FBXO31: variants seen among roughly 807,000 people sequenced by gnomAD.
The protein encoded by FBXO31 is F-box only protein 31.
FBXO31 carries 24 observed loss-of-function variants against 54.4 expected under a neutral mutation model. That is an observed-to-expected ratio of 0.44 (90% CI 0.32 to 0.62). The LOEUF is 0.62. Among genes scored for constraint, FBXO31 ranks in the 20% least tolerant of loss-of-function variants. The pLI is 0.05. For synonymous variants in FBXO31, 388 were observed against 335.6 expected (o/e 1.16, Z -1.71); for missense variants, 665 against 787.1 (o/e 0.84, Z 1.86).
At chr16:87,339,212 G>A (rs970726694) in intron 5 of FBXO31, among the ~76,000 whole-genome samples, 3 of 152,182 alleles carry the variant, frequency 2.0e-5, no homozygotes, top group African/African-American at 7.2e-5. Context: ...CCGAATTCCT[G>A]TCCCTGATCT....
intron 1 of FBXO31, chr16:87,362,408 G>A (rs1906175352): frequency 6.6e-6 from 1 of 151,810 alleles, no homozygotes; most frequent in African/African-American, 2.4e-5. Context: ...ATTTAGAAAT[G>A]GAGTCTCATG....
upstream of FBXO31, among the ~76,000 whole-genome samples, chr16:87,390,313 A>G (rs1023021890): frequency 1.3e-5 from 2 of 152,222 alleles, no homozygotes; most frequent in African/African-American, 4.8e-5. Context: ...ACAGTGGTGT[A>G]ATAAAGAACT....
At chr16:87,374,260 G>A (rs929248368) in intron 1 of FBXO31, among the ~76,000 whole-genome samples, 6 of 150,874 alleles carry the variant, frequency 4.0e-5, no homozygotes, top group African/African-American at 1.5e-4. Flanking sequence ...AAAAAAAAAA[G>A]AGAGGAAAAT....
chr16:87,388,235 G>T (rs931621879), upstream of FBXO31, among the ~76,000 whole-genome samples: 1 of 152,318 alleles, frequency 6.6e-6, no homozygotes, highest in Admixed American at 6.5e-5. Context: ...GACTTCCCTG[G>T]GGAGGAAGAC....
intron 2 of FBXO31, among the ~76,000 whole-genome samples, chr16:87,359,235 C>T (rs1384209842): frequency 2.0e-5 from 3 of 152,210 alleles, no homozygotes; most frequent in Admixed American, 6.5e-5. Flanking sequence ...GAAAAGAAAT[C>T]TCCCAATGCC....
chr16:87,344,195 A>T (rs963870577), intron 3 of FBXO31, among the ~76,000 whole-genome samples: 2 of 152,378 alleles, frequency 1.3e-5, no homozygotes, highest in African/African-American at 4.8e-5. Flanking sequence ...TGTGGCAGTG[A>T]CACGGAGATG....
In FBXO31 at chr16:87,383,679, G is replaced by A. The variant is rs936183575; in HGVS notation, c.66C>T (p.Arg22=). 4 of 1,283,806 alleles carry A rather than the reference G, an allele frequency of 3.1e-6. No homozygotes were observed. In the East Asian group the frequency reaches 9.8e-5, roughly 32 times the overall value. The allele number at this position is 1,283,806 out of a possible 1,614,324, so 79.5% of individuals were successfully genotyped here. A position where few individuals can be genotyped will look rare whatever the true frequency, so the allele number is the denominator to read the frequency against. Residue 22 remains arginine (R), a synonymous_variant, in exon 1 of 9, where the codon CGC becomes CGT. Coordinates refer to ENST00000311635, the MANE Select transcript of FBXO31 (RefSeq NM_024735.5). This position sits in a 1 kb window ranked among gnomAD's most constrained non-coding sequence, Gnocchi z 4.9. ...PSRGCRRRQQ[R]RGPAETAAAD... ...CCGCCGCCGTCTCGGCCGGGCCCCG[G>A]CGCTGCTGGCGGCGCCGACATCCGC...
rs964318423 is a variant in FBXO31 at position 87,383,283 on chromosome 16, G to A, written c.340+122C>T. 5 of 929,792 alleles carry A rather than the reference G, an allele frequency of 5.4e-6. No homozygotes were observed. Among genetic ancestry groups the A allele is most frequent in the African/African-American group, 5.4e-5 (3 of 55,848 alleles). The allele number at this position is 929,792 out of a possible 1,614,324, so 57.6% of individuals were successfully genotyped here. A position where few individuals can be genotyped will look rare whatever the true frequency, so the allele number is the denominator to read the frequency against. ...CCCACACCCAAAACACCACATCGCC[G>A]GGCCCCGCGCCCAACTGGTGGCCCC... On this transcript the variant is annotated intron_variant, in intron 1 of 8. Coordinates refer to ENST00000311635, the MANE Select transcript of FBXO31 (RefSeq NM_024735.5). The surrounding 1 kb of genome is among the most constrained non-coding windows in gnomAD (Gnocchi z 4.9).
chr16:87,384,388 C>T (rs748343939), upstream of FBXO31, among the ~76,000 whole-genome samples: 9 of 152,318 alleles, frequency 5.9e-5, no homozygotes, highest in Non-Finnish European at 1.0e-4. Flanking sequence ...GCGGAAGCCC[C>T]GGGGAGGGCT....
rs1905010352 is a variant in FBXO31 at position 87,335,288 on chromosome 16, G to A, written c.996+16C>T. 6.2e-7 allele frequency: 1 copy of A among 1,612,166 alleles called. No homozygotes were observed. Among genetic ancestry groups the A allele is most frequent in the African/African-American group, 1.3e-5 (1 of 74,940 alleles). ...GTGCCCCCAGAGCCCCACCAACCAG[G>A]TCAGCCGCCACTCACCGTGATCTTG... On this transcript the variant is annotated intron_variant, in intron 7 of 8. Transcript: ENST00000311635. This position sits in a 1 kb window ranked among gnomAD's most constrained non-coding sequence, Gnocchi z 5.7.
intron 1 of FBXO31, among the ~76,000 whole-genome samples, chr16:87,389,146 T>C (rs1378941608): frequency 1.3e-5 from 2 of 151,580 alleles, no homozygotes; most frequent in Non-Finnish European, 2.9e-5. Flanking sequence ...TACATTATTA[T>C]AATATATATA....
rs11860662 is a variant in FBXO31, at chr16:87,383,003, G to C, written c.340+402C>G. ...CGGGGCACCCTCGGCTCGCCTTCAA[G>C]ACAGGGGCAGAGGAGGCGGCCCCCA... On this transcript the variant is annotated intron_variant, in intron 1 of 8. Transcript: ENST00000311635. The surrounding 1 kb of genome is among the most constrained non-coding windows in gnomAD (Gnocchi z 4.9). Among the ~76,000 whole-genome samples the C allele has an allele frequency of 2.8e-4, 43 of 152,246 alleles. 1 individual carries two copies. In the Middle Eastern group the frequency reaches 0.02, roughly 72 times the overall value.
intron 1 of FBXO31, among the ~76,000 whole-genome samples, chr16:87,366,735 C>A (rs756718662): frequency 2.7e-4 from 41 of 152,158 alleles, no homozygotes; most frequent in Non-Finnish European, 5.0e-4. Flanking sequence ...CCACGATGGG[C>A]TGCTACATGG....
Position 87,380,213 on chromosome 16 carries a change from G to A in FBXO31, c.340+3192C>T, listed in dbSNP as rs1288050917. ...CTTAAGAGGCTGAGGCAGGAGAATTGCTTGAACTCAGGAGGCAGAGGCTGT... is the reference window on the plus strand; with the variant it reads ...CTTAAGAGGCTGAGGCAGGAGAATTACTTGAACTCAGGAGGCAGAGGCTGT... On this transcript the variant is annotated intron_variant, in intron 1 of 8. Transcript: ENST00000311635. Among the ~76,000 whole-genome samples the A allele has an allele frequency of 3.4e-4, 49 of 143,160 alleles. 1 individual carries two copies. Among genetic ancestry groups the A allele is most frequent in the Admixed American group, 3.2e-3 (44 of 13,688 alleles). 93.9% of individuals were successfully genotyped at this position (143,160 alleles called of 152,430 possible).
intron 1 of FBXO31, among the ~76,000 whole-genome samples, chr16:87,368,963 C>T (rs572234960): frequency 1.3e-5 from 2 of 152,176 alleles, no homozygotes; most frequent in East Asian, 3.9e-4. Context: ...CCACACCTGG[C>T]CCCAATTTTT....
chr16:87,367,166 T>G (rs899439191), intron 1 of FBXO31: 2 of 152,010 alleles, frequency 1.3e-5, no homozygotes, highest in Non-Finnish European at 2.9e-5. Flanking sequence ...TGAGACCCTG[T>G]CTCAAAAAAA....
At chr16:87,378,733 G>A (rs1379789868) in intron 1 of FBXO31, among the ~76,000 whole-genome samples, 3 of 152,090 alleles carry the variant, frequency 2.0e-5, no homozygotes, top group African/African-American at 4.8e-5. Flanking sequence ...AGGCAGAGGC[G>A]GGTGGATCAT....
At position 87,327,787 on chromosome 16, in the gene FBXO31, G is replaced by A. The variant is rs2278270; in HGVS notation, c.*3501C>T. The A allele has an allele frequency of 0.13, 20,113 of 152,260 alleles. 1,702 individuals carry two copies. Among genetic ancestry groups the A allele is most frequent in the South Asian group, 0.34 (1,625 of 4,822 alleles). 9.4% of individuals were successfully genotyped at this position (152,260 alleles called of 1,614,324 possible). On this transcript the variant is annotated 3_prime_UTR_variant, in exon 9 of 9. Coordinates refer to ENST00000311635, the MANE Select transcript of FBXO31 (RefSeq NM_024735.5). ...CAGAAGTACAGACAGGTTGGGCCAC[G>A]TTAACACTGGACTTGATCATGATTC...
intron 1 of FBXO31, among the ~76,000 whole-genome samples, chr16:87,365,348 A>T (rs1000147932): frequency 5.3e-5 from 8 of 152,020 alleles, no homozygotes; most frequent in African/African-American, 1.9e-4. Flanking sequence ...CTAGATCCTC[A>T]TGAAAGCAAA....
Sources: allele counts gnomAD v4.1 joint callset (sites outside exome capture counted in the v4.1 genomes callset), GRCh38; gene constraint gnomAD v4.1.1; non-coding constraint Gnocchi (gnomAD v3.1); transcripts MANE v1.5; gene names NCBI Gene and HGNC (gene_info 2026-07-23, HGNC 2026-07-21).